PDE1A: variants seen among roughly 807,000 people sequenced by gnomAD.
PDE1A encodes the protein phosphodiesterase 1A.
Under a neutral mutation model 61.7 loss-of-function variants are expected in PDE1A, and 35 were observed. That is an observed-to-expected ratio of 0.57 (90% confidence interval 0.43 to 0.75). The LOEUF is 0.75. Ranked by LOEUF, PDE1A falls within the 30% of genes least tolerant of loss-of-function variation. The probability of loss-of-function intolerance (pLI) is 0.00; values close to 1 mark genes in which losing one functional copy is unlikely to be tolerated. For missense variants in PDE1A, 597 were observed against 630.6 expected (o/e 0.95, Z 0.57); for synonymous variants, 232 against 213.2 (o/e 1.09, Z -0.77).
chr2:182,276,236 T>C (rs183616105), intron 1 of PDE1A, among the ~76,000 whole-genome samples: 9 of 152,078 alleles, frequency 5.9e-5, no homozygotes, highest in African/African-American at 2.2e-4. Context: ...TGAACAAAAA[T>C]TGGTCTTAGA....
chr2:182,465,310 C>T (rs937198466), intron 2 of PDE1A, among the ~76,000 whole-genome samples: 1 of 152,054 alleles, frequency 6.6e-6, no homozygotes, highest in African/African-American at 2.4e-5. Flanking sequence ...AGAATTTTTA[C>T]AATTTTCCTT....
chr2:182,305,691 G>T (rs995356399), intron 1 of PDE1A, among the ~76,000 whole-genome samples: 1 of 145,472 alleles, frequency 6.9e-6, no homozygotes, highest in Non-Finnish European at 1.5e-5. Context: ...TGATAAAAGT[G>T]ATGTATTTAT....
At chr2:182,288,492 C>A (rs1016453757) in intron 1 of PDE1A, among the ~76,000 whole-genome samples, 2 of 152,046 alleles carry the variant, frequency 1.3e-5, no homozygotes, top group Admixed American at 1.3e-4. Flanking sequence ...TAATAATCAT[C>A]CAGTTCTCCT....
In PDE1A at chr2:182,508,742, T is replaced by TA. The variant is rs574760531; in HGVS notation, c.101+13533_101+13534insT. ...TTTGTAAATTTCTTTTTTTTTTTAT[T>TA]TTTTTTTTATTTTTATTTTTTAAAG... On this transcript the variant is annotated intron_variant, in intron 2 of 14. Transcript: ENST00000410103. Among the ~76,000 whole-genome samples, 644 of 126,888 alleles carry TA rather than the reference T, an allele frequency of 5.1e-3. 2 individuals carry two copies. Among genetic ancestry groups the TA allele is most frequent in the African/African-American group, 0.019 (603 of 32,318 alleles). 83.2% of individuals were successfully genotyped at this position (126,888 alleles called of 152,430 possible).
intron 2 of PDE1A, among the ~76,000 whole-genome samples, chr2:182,449,296 A>C (rs1171217611): frequency 6.6e-6 from 1 of 151,912 alleles, no homozygotes; most frequent in Admixed American, 6.6e-5. Flanking sequence ...AAAATGAAAC[A>C]GAGAAAGAAA....
the PDE1A span, among the ~76,000 whole-genome samples, chr2:182,609,567 C>A: frequency 2.6e-5 from 4 of 152,150 alleles, no homozygotes; most frequent in Non-Finnish European, 5.9e-5. Context: ...CCAGACGTGC[C>A]GTCTTAAGAG....
chr2:182,351,364 G>T (rs1698866771), intron 1 of PDE1A, among the ~76,000 whole-genome samples: 1 of 152,124 alleles, frequency 6.6e-6, no homozygotes, highest in African/African-American at 2.4e-5. Flanking sequence ...CTAGTCATTT[G>T]TTTTTATCCA....
chr2:182,185,058 T>C (rs554040092), intron 13 of PDE1A, among the ~76,000 whole-genome samples: 2 of 152,326 alleles, frequency 1.3e-5, no homozygotes, highest in African/African-American at 4.8e-5. Context: ...CACTCTATTT[T>C]GATCTTATAT....
At chr2:182,683,918 G>A in the PDE1A span, among the ~76,000 whole-genome samples, 3 of 151,854 alleles carry the variant, frequency 2.0e-5, no homozygotes, top group Admixed American at 6.6e-5. Flanking sequence ...TCAGGAGATC[G>A]AGACCAGCCA....
chr2:182,566,626 T>G, the PDE1A span, among the ~76,000 whole-genome samples: 1 of 152,114 alleles, frequency 6.6e-6, no homozygotes, highest in East Asian at 1.9e-4. Context: ...GGAAAAGGCT[T>G]CAGTGTTAGT....
chr2:182,490,556 G>T (rs1168436152), intron 2 of PDE1A, among the ~76,000 whole-genome samples: 1 of 151,450 alleles, frequency 6.6e-6, no homozygotes, highest in Admixed American at 6.6e-5. Context: ...TGTATTTTTA[G>T]TGAAGACGGA....
intron 1 of PDE1A, among the ~76,000 whole-genome samples, chr2:182,345,199 G>A (rs1698446105): frequency 6.6e-6 from 1 of 152,026 alleles, no homozygotes; most frequent in Admixed American, 6.6e-5. Flanking sequence ...ATAATTAATA[G>A]ACATCTAACA....
intron 2 of PDE1A, among the ~76,000 whole-genome samples, chr2:182,437,493 C>T (rs987330089): frequency 6.6e-6 from 1 of 151,818 alleles, no homozygotes. Context: ...ATTACCTAGC[C>T]CCTATATCCA....
intron 7 of PDE1A, among the ~76,000 whole-genome samples, chr2:182,221,562 C>T (rs1235715580): frequency 2.0e-5 from 3 of 152,074 alleles, no homozygotes; most frequent in Admixed American, 6.6e-5. Flanking sequence ...TTTTCCTTTT[C>T]CCTCCAAACT....
intron 2 of PDE1A, among the ~76,000 whole-genome samples, chr2:182,477,243 T>C (rs1379392611): frequency 6.6e-6 from 1 of 151,914 alleles, no homozygotes; most frequent in Non-Finnish European, 1.5e-5. Flanking sequence ...ATTATCTGAC[T>C]CATGTTGAGG....
At chr2:182,397,924 G>C (rs2125428803) in intron 1 of PDE1A, among the ~76,000 whole-genome samples, 1 of 152,098 alleles carries the variant, frequency 6.6e-6, no homozygotes, top group Non-Finnish European at 1.5e-5. Context: ...AAATTAACTT[G>C]CATAAAACTA....
intron 13 of PDE1A, among the ~76,000 whole-genome samples, chr2:182,152,412 C>CTTTTTTTTTTTTTT (rs559392112): frequency 2.7e-5 from 2 of 75,296 alleles, no homozygotes; most frequent in African/African-American, 5.3e-5. Context: ...TTTTTTTCCT[C>CTTTTTTTTTTTTTT]TTTTTTTTTT....
intron 4 of PDE1A, among the ~76,000 whole-genome samples, chr2:182,233,935 GAC>G (rs1689791566): frequency 1.4e-5 from 2 of 141,920 alleles, no homozygotes; most frequent in South Asian, 2.3e-4. Flanking sequence ...AGAAGCCAAA[GAC>G]AAGAGAGAGA....
At chr2:182,544,007 T>C in the PDE1A span, among the ~76,000 whole-genome samples, 28 of 152,332 alleles carry the variant, frequency 1.8e-4, no homozygotes, top group Admixed American at 1.6e-3. Flanking sequence ...ATATTGAATG[T>C]CTTTGGTGAA....
Sources: allele counts gnomAD v4.1 joint callset (sites outside exome capture counted in the v4.1 genomes callset), GRCh38; gene constraint gnomAD v4.1.1; transcripts MANE v1.5; gene names NCBI Gene and HGNC (gene_info 2026-07-23, HGNC 2026-07-21).